TRAF3IP2: variants seen among roughly 807,000 people sequenced by gnomAD.
TRAF3IP2 encodes the protein TRAF3 interacting protein 2.
Under a neutral mutation model 57.9 loss-of-function variants are expected in TRAF3IP2, and 35 were observed. The ratio of observed to expected loss-of-function variants is 0.60; its 90% CI spans 0.46 to 0.80. The LOEUF is 0.80. Among genes scored for constraint, TRAF3IP2 ranks in the 30% least tolerant of loss-of-function variants. The pLI is 0.00. For missense variants in TRAF3IP2, 556 were observed against 706.4 expected, an observed-to-expected ratio of 0.79 and a Z score of 2.41; for synonymous variants, 251 against 268.9, an observed-to-expected ratio of 0.93 and a Z score of 0.65.
chr6:111,557,434 T>C lies in TRAF3IP2; in HGVS notation c.*1971A>G, dbSNP rs1360811469. ...GAGGGTATTGTTGAAGTTTTTTTTT[T>C]TTTTTTTTTTTTTGAGACGGAGTCT... is the stretch of plus-strand genomic sequence containing the variant. On this transcript the variant is annotated 3_prime_UTR_variant, in exon 9 of 9. Transcript: ENST00000368761. The C allele has an allele frequency of 6.9e-6, 1 of 145,368 alleles. No individual in the cohort carries two copies. The highest frequency in any genetic ancestry group is 1.5e-5 in the Non-Finnish European group (1 of 66,326). 9.0% of individuals were successfully genotyped at this position (145,368 alleles called of 1,614,324 possible). A position where few individuals can be genotyped will look rare whatever the true frequency, so the allele number is the denominator to read the frequency against.
chr6:111,594,115 G>A (rs1293628227), intron 1 of TRAF3IP2, among the ~76,000 whole-genome samples: 1 of 123,702 alleles, frequency 8.1e-6, no homozygotes, highest in African/African-American at 2.9e-5. Flanking sequence ...TCAGCGACAA[G>A]AGCGAGACTC....
intron 2 of TRAF3IP2, among the ~76,000 whole-genome samples, chr6:111,582,498 C>T (rs577206303): frequency 6.6e-6 from 1 of 152,162 alleles, no homozygotes; most frequent in Non-Finnish European, 1.5e-5. Flanking sequence ...CACAGAGACT[C>T]CTATGGTCTA....
At chr6:111,572,694 C>A in intron 5 of TRAF3IP2, 1 of 575,648 alleles carries the variant, frequency 1.7e-6, no homozygotes, top group Non-Finnish European at 3.1e-6. Flanking sequence ...AAACAGCATA[C>A]AGGAAAAAAA....
At chr6:111,604,487 CACAGACTATCCTTCCTGGGTA>C (rs1342993225) in intron 1 of TRAF3IP2, among the ~76,000 whole-genome samples, 1 of 152,230 alleles carries the variant, frequency 6.6e-6, no homozygotes, top group East Asian at 1.9e-4. Context: ...TGGACAATAG[CACAGACTATCCTTCCTGGGTA>C]ACCCAAATGG....
chr6:111,594,526 G>A, intron 1 of TRAF3IP2: 1 of 452,198 alleles, frequency 2.2e-6, no homozygotes, highest in South Asian at 1.6e-5. Context: ...GAGCCATCTG[G>A]GGGCTTGGAG....
chr6:111,567,628 C>A lies in TRAF3IP2; in HGVS notation c.1355G>T (p.Arg452Met). Residue 452 changes from arginine (R) to methionine (M), a missense_variant, in exon 6 of 9, where the codon AGG (arginine) becomes ATG (methionine). Arg to Met is a moderately conservative substitution (Grantham distance 91). Transcript: ENST00000368761. ...DIIKWMERYLRDKTVMIIVAI... is the reference protein window; with the variant it reads ...DIIKWMERYLMDKTVMIIVAI... ...TGGTTTTTGGAATGTACTTACATCC[C>A]TAAGGTAGCGCTCCATCCATTTAAT... 1 of 1,609,710 alleles carries A rather than the reference C, an allele frequency of 6.2e-7. No individual in the cohort carries two copies. Among genetic ancestry groups the A allele is most frequent in the South Asian group, 1.1e-5 (1 of 89,726 alleles).
intron 7 of TRAF3IP2, 66 bp downstream of exon 7, chr6:111,566,378 G>A (rs1795633760): frequency 1.6e-6 from 2 of 1,271,444 alleles, no homozygotes; most frequent in Admixed American, 3.5e-5. Flanking sequence ...GGAAGAATGG[G>A]ACTTCCCTGG....
chr6:111,561,749 G>A (rs978520071), intron 8 of TRAF3IP2, among the ~76,000 whole-genome samples: 2 of 152,082 alleles, frequency 1.3e-5, no homozygotes, highest in African/African-American at 2.4e-5. Context: ...ATGGGAAAAC[G>A]GCACAAAATT....
intron 2 of TRAF3IP2, among the ~76,000 whole-genome samples, chr6:111,584,513 G>A (rs752218230): frequency 6.6e-6 from 1 of 152,036 alleles, no homozygotes; most frequent in Non-Finnish European, 1.5e-5. Flanking sequence ...GTATGGAAAA[G>A]GTTCCTAAAT....
intron 2 of TRAF3IP2, among the ~76,000 whole-genome samples, chr6:111,590,092 A>C (rs1796458844): frequency 6.6e-6 from 1 of 152,194 alleles, no homozygotes; most frequent in Non-Finnish European, 1.5e-5. Context: ...AGTAGGAAAA[A>C]AAAAATGGTG....
rs146269435 is a variant in TRAF3IP2, at chr6:111,573,055, T to C, written c.1202-72A>G. The stretch of plus-strand genomic sequence containing the variant: ...ATTGTAAACAAACTTCTAAATTATA[T>C]GCAATATCTTTTGTCCTTCTAGAAT... On this transcript the variant is annotated intron_variant, in intron 4 of 8. Transcript: ENST00000368761. 212 of 1,195,558 alleles carry C rather than the reference T, an allele frequency of 1.8e-4. No individual in the cohort carries two copies. In the African/African-American group the frequency reaches 2.8e-3, roughly 16 times the overall value. The allele number at this position is 1,195,558 out of a possible 1,614,324, so 74.1% of individuals were successfully genotyped here.
chr6:111,582,203 T>C (rs528563884), intron 2 of TRAF3IP2, among the ~76,000 whole-genome samples: 3 of 152,266 alleles, frequency 2.0e-5, no homozygotes, highest in African/African-American at 7.2e-5. Context: ...TGTGGTCAGA[T>C]TCCCTGGACT....
rs558607525 is a variant in TRAF3IP2 at position 111,558,007 on chromosome 6, G to A, written c.*1398C>T. On this transcript the variant is annotated 3_prime_UTR_variant, in exon 9 of 9. Coordinates refer to ENST00000368761, the MANE Select transcript of TRAF3IP2 (RefSeq NM_147686.4). ...TGCACTCCAGCCTGGACGACAGAGC[G>A]AGACTCTGTCTCAAACAAAAAAAAA... 9.9e-5 allele frequency: 15 copies of A among 152,034 alleles called. No homozygotes were observed. In the East Asian group the frequency reaches 2.3e-3, roughly 24 times the overall value. 9.4% of individuals were successfully genotyped at this position (152,034 alleles called of 1,614,324 possible).
At chr6:111,579,189 C>T (rs1262601784) in intron 3 of TRAF3IP2, among the ~76,000 whole-genome samples, 3 of 150,794 alleles carry the variant, frequency 2.0e-5, no homozygotes, top group Non-Finnish European at 2.9e-5. Context: ...ATTAGCTAGA[C>T]GTGATGGCGC....
intron 3 of TRAF3IP2, among the ~76,000 whole-genome samples, chr6:111,576,143 A>G (rs1412739146): frequency 6.6e-6 from 1 of 152,236 alleles, no homozygotes; most frequent in Non-Finnish European, 1.5e-5. Flanking sequence ...AAGTAGTATG[A>G]CAGGTGACAC....
intron 8 of TRAF3IP2, among the ~76,000 whole-genome samples, chr6:111,561,983 A>T (rs1177676729): frequency 6.6e-6 from 1 of 152,178 alleles, no homozygotes; most frequent in Non-Finnish European, 1.5e-5. Context: ...CCGTTCCCAT[A>T]AACTGGAGCC....
chr6:111,595,558 C>G (rs915641096), intron 1 of TRAF3IP2, among the ~76,000 whole-genome samples: 4 of 152,074 alleles, frequency 2.6e-5, no homozygotes, highest in Non-Finnish European at 5.9e-5. Flanking sequence ...TGCCGGGCGC[C>G]GTGACTCACG....
chr6:111,564,266 T>C (rs1428683316), intron 7 of TRAF3IP2, among the ~76,000 whole-genome samples: 1 of 151,980 alleles, frequency 6.6e-6, no homozygotes, highest in Non-Finnish European at 1.5e-5. Context: ...ACCAAGAACA[T>C]ATTTTAAAAT....
intron 1 of TRAF3IP2, among the ~76,000 whole-genome samples, chr6:111,597,031 G>A (rs1024725351): frequency 1.3e-5 from 2 of 152,248 alleles, no homozygotes; most frequent in East Asian, 3.8e-4. Context: ...AGAGGGGACA[G>A]ACAGGTCCAT....
Sources: gnomAD v4.1 joint callset for allele counts (sites outside exome capture counted in the v4.1 genomes callset) on GRCh38, gnomAD v4.1.1 for gene constraint, MANE v1.5 for transcripts, NCBI Gene and HGNC (gene_info 2026-07-23, HGNC 2026-07-21) for gene names.